The following LDAH variants were observed in gnomAD, a reference collection of about 807,000 sequenced individuals.
The protein encoded by LDAH is lipid droplet associated hydrolase.
LDAH carries 26 observed loss-of-function variants against 29.6 expected under a neutral mutation model. The ratio of observed to expected loss-of-function variants is 0.88; its 90% CI spans 0.64 to 1.22. The LOEUF (loss-of-function observed/expected upper bound fraction) is 1.22. Among genes scored for constraint, LDAH ranks in the 50% most tolerant of loss-of-function variants. LDAH has a pLI of 0.00. For synonymous variants in LDAH, 117 were observed against 133.0 expected (o/e 0.88, Z 0.83); for missense variants, 344 against 387.3 (o/e 0.89, Z 0.94).
In LDAH at chr2:20,740,325, A is replaced by C. The variant is rs577373621; in HGVS notation, c.469-120T>G. The C allele has an allele frequency of 1.7e-5, 12 of 698,082 alleles. No homozygotes were observed. The East Asian group carries it at 3.0e-4, about 17-fold the overall frequency. 43.2% of individuals were successfully genotyped at this position (698,082 alleles called of 1,614,324 possible). On this transcript the variant is annotated intron_variant, in intron 4 of 6. Transcript: ENST00000237822. ...TTTTAGAATGACTAGAGATCTCTTC[A>C]GAGTGAGAAGAACCACCACTCACCA...
Position 20,685,739 on chromosome 2 carries a change from A to G in LDAH, c.*1164T>C. On this transcript the variant is annotated 3_prime_UTR_variant, in exon 7 of 7. Coordinates refer to ENST00000237822, the MANE Select transcript of LDAH (RefSeq NM_021925.4). ...TCTCAAGATTGAGTCAATTTAGGGG[A>G]GGCAGCAATATTGTCAGCCCACTCT... 2 of 1,475,624 alleles carry G rather than the reference A, an allele frequency of 1.4e-6. No homozygotes were observed. Among genetic ancestry groups the G allele is most frequent in the Non-Finnish European group, 9.0e-7 (1 of 1,107,476 alleles). The allele number at this position is 1,475,624 out of a possible 1,614,324, so 91.4% of individuals were successfully genotyped here.
intron 2 of LDAH, among the ~76,000 whole-genome samples, chr2:20,799,904 T>C (rs1443028439): frequency 1.3e-5 from 2 of 152,072 alleles, no homozygotes; most frequent in Admixed American, 1.3e-4. Flanking sequence ...CTGCATTTAT[T>C]AAAAAACATG....
chr2:20,755,005 T>C (rs1209793936), intron 4 of LDAH, among the ~76,000 whole-genome samples: 2 of 152,118 alleles, frequency 1.3e-5, no homozygotes, highest in African/African-American at 4.8e-5. Flanking sequence ...ATAACTGTAC[T>C]GTGGTTGATT....
In LDAH at chr2:20,780,192, T is replaced by C. The variant is rs377246462; in HGVS notation, c.299-5213A>G. On this transcript the variant is annotated intron_variant, in intron 3 of 6. Transcript: ENST00000237822. ...AATTATTCTATTTAACACTGCTATC[T>C]TATTTAGAAAACAAATTTCAAAATT... is the stretch of plus-strand genomic sequence containing the variant. Among the ~76,000 whole-genome samples, 208 of 152,330 alleles carry C rather than the reference T, an allele frequency of 1.4e-3. 3 individuals are homozygous for C. In the South Asian group the frequency reaches 0.038, roughly 28 times the overall value.
intron 4 of LDAH, among the ~76,000 whole-genome samples, chr2:20,770,339 T>G (rs559981568): frequency 6.6e-6 from 1 of 152,290 alleles, no homozygotes; most frequent in East Asian, 1.9e-4. Context: ...ATTAAGTTTG[T>G]GAAGGATCTG....
intron 1 of LDAH, among the ~76,000 whole-genome samples, chr2:20,812,827 T>TA: frequency 6.6e-6 from 1 of 152,322 alleles, no homozygotes; most frequent in South Asian, 2.1e-4. Context: ...TAAGAACTAA[T>TA]AACTGAGAGT....
chr2:20,696,616 A>T (rs1024464372), intron 6 of LDAH, among the ~76,000 whole-genome samples: 2 of 152,178 alleles, frequency 1.3e-5, no homozygotes, highest in Non-Finnish European at 2.9e-5. Flanking sequence ...TCCCCCCCTA[A>T]GTGGGTTTGA....
At position 20,774,894 on chromosome 2, in the gene LDAH, T is replaced by A. The variant is rs1329574351; in HGVS notation, c.384A>T (p.Pro128=). The change falls in exon 4 of 7, where the codon CCA becomes CCT. Residue 128 remains proline, a synonymous_variant. Transcript: ENST00000237822. ...HKLAFLRTHV[P]KDMKLVLIGH... The stretch of plus-strand genomic sequence containing the variant: ...CAATGAGCACAAGTTTCATGTCCTT[T>A]GGCACATGAGTTCTCAGGAAAGCTA... The A allele has an allele frequency of 6.2e-7, 1 of 1,613,506 alleles. No individual in the cohort carries two copies. The highest frequency in any genetic ancestry group is 1.3e-5 in the African/African-American group (1 of 74,932).
chr2:20,698,461 C>T lies in LDAH; in HGVS notation c.786+3109G>A, dbSNP rs557878784. Among the ~76,000 whole-genome samples the T allele has an allele frequency of 2.6e-5, 4 of 151,982 alleles. No individual in the cohort carries two copies. Among genetic ancestry groups the T allele is most frequent in the Admixed American group, 1.3e-4 (2 of 15,254 alleles). On this transcript the variant is annotated intron_variant, in intron 6 of 6. Transcript: ENST00000237822. The surrounding 1 kb of genome is among the most constrained non-coding windows in gnomAD (Gnocchi z 4.4). ...TCCCAGCACCTTGGGAGGCCGAGGC[C>T]GGTAAATCACAAGGTCAGGAGTTTG...
intron 4 of LDAH, among the ~76,000 whole-genome samples, chr2:20,749,823 G>C (rs893047686): frequency 6.6e-6 from 1 of 152,098 alleles, no homozygotes; most frequent in African/African-American, 2.4e-5. Context: ...GTTAGGATCT[G>C]TCCTGCTTAG....
chr2:20,755,441 A>G (rs1001483953), intron 4 of LDAH, among the ~76,000 whole-genome samples: 1 of 152,070 alleles, frequency 6.6e-6, no homozygotes, highest in Non-Finnish European at 1.5e-5. Context: ...GCTTATTACC[A>G]TCTCTCCTTA....
chr2:20,818,908 G>A (rs1572701163), intron 1 of LDAH, among the ~76,000 whole-genome samples: 2 of 152,198 alleles, frequency 1.3e-5, no homozygotes, highest in East Asian at 1.9e-4. Context: ...GTGGTTGCGA[G>A]ATGAGCAATT....
chr2:20,759,045 A>G (rs1053703287), intron 4 of LDAH, among the ~76,000 whole-genome samples: 1 of 152,216 alleles, frequency 6.6e-6, no homozygotes, highest in African/African-American at 2.4e-5. Context: ...AGGTTATAAG[A>G]AGCTCCTCAG....
chr2:20,702,445 GTCT>G, intron 5 of LDAH, among the ~76,000 whole-genome samples: 1 of 152,198 alleles, frequency 6.6e-6, no homozygotes, highest in Non-Finnish European at 1.5e-5. Flanking sequence ...CAGTTTGAAA[GTCT>G]CTGTTTCTTA....
intron 5 of LDAH, among the ~76,000 whole-genome samples, chr2:20,718,050 GT>G (rs771021743): frequency 6.6e-6 from 1 of 151,892 alleles, no homozygotes; most frequent in Non-Finnish European, 1.5e-5. Flanking sequence ...AAAGCAATGA[GT>G]TAAAACACAC....
At chr2:20,750,999 G>A (rs1017749616) in intron 4 of LDAH, among the ~76,000 whole-genome samples, 1 of 152,178 alleles carries the variant, frequency 6.6e-6, no homozygotes, top group Non-Finnish European at 1.5e-5. Flanking sequence ...AAACACTATG[G>A]ACCACTTGAG....
chr2:20,713,424 GC>G (rs1664917217), intron 5 of LDAH, among the ~76,000 whole-genome samples: 1 of 152,182 alleles, frequency 6.6e-6, no homozygotes, highest in Admixed American at 6.5e-5. Flanking sequence ...ACCAGCCACT[GC>G]AAAAATATGC....
At chr2:20,783,152 A>C (rs917706961) in intron 3 of LDAH, among the ~76,000 whole-genome samples, 1 of 152,172 alleles carries the variant, frequency 6.6e-6, no homozygotes, top group Non-Finnish European at 1.5e-5. Context: ...GTTGATTTCT[A>C]GTTTAATTCC....
At chr2:20,781,588 G>T (rs570981046) in intron 3 of LDAH, among the ~76,000 whole-genome samples, 2 of 152,308 alleles carry the variant, frequency 1.3e-5, no homozygotes, top group Non-Finnish European at 2.9e-5. Context: ...ACAGATGAGA[G>T]CAGAACTGTT....
Sources: allele counts gnomAD v4.1 joint callset (sites outside exome capture counted in the v4.1 genomes callset), GRCh38; gene constraint gnomAD v4.1.1; non-coding constraint Gnocchi (gnomAD v3.1); transcripts MANE v1.5; gene names NCBI Gene and HGNC (gene_info 2026-07-23, HGNC 2026-07-21).